The following GALNT13 variants were observed in gnomAD, a reference collection of about 807,000 sequenced individuals.
GALNT13 encodes the protein UDP-GalNAc:polypeptide N-acetylgalactosaminyltransferase 13.
A neutral mutation model predicts 64.2 loss-of-function variants in GALNT13; 28 were observed. The observed-to-expected ratio is 0.44, with a 90% CI of 0.32 to 0.60. GALNT13 has a LOEUF of 0.60. Among genes scored for constraint, GALNT13 ranks in the 20% least tolerant of loss-of-function variants. The pLI, the probability that GALNT13 is intolerant of heterozygous loss-of-function variation, is 0.05. For missense variants in GALNT13, 577 were observed against 669.8 expected, an observed-to-expected ratio of 0.86 and a Z score of 1.53; for synonymous variants, 214 against 224.6, an observed-to-expected ratio of 0.95 and a Z score of 0.42.
chr2:153,334,058 A>G, the GALNT13 span, among the ~76,000 whole-genome samples: 1 of 152,250 alleles, frequency 6.6e-6, no homozygotes, highest in African/African-American at 2.4e-5. Context: ...ACATATACAT[A>G]CATTAAATAG....
the GALNT13 span, among the ~76,000 whole-genome samples, chr2:153,459,606 T>A: frequency 6.6e-6 from 1 of 152,024 alleles, no homozygotes; most frequent in South Asian, 2.1e-4. Context: ...AATAACAAAA[T>A]CCTATGAAGC....
At chr2:153,673,575 AT>A in the GALNT13 span, among the ~76,000 whole-genome samples, 1 of 152,188 alleles carries the variant, frequency 6.6e-6, no homozygotes, top group East Asian at 1.9e-4. Context: ...AATAAGAGCT[AT>A]TTATGACAAA....
intron 3 of GALNT13, among the ~76,000 whole-genome samples, chr2:154,063,693 T>C (rs1700310167): frequency 6.6e-6 from 1 of 152,224 alleles, no homozygotes; most frequent in Admixed American, 6.5e-5. Context: ...TTAAAGCTAT[T>C]TTGTTTAAAT....
intron 3 of GALNT13, 147 bp downstream of exon 3, chr2:153,944,786 G>T (rs779164672): frequency 3.3e-6 from 2 of 606,954 alleles, no homozygotes; most frequent in Non-Finnish European, 5.6e-6. Context: ...TTTAACCATG[G>T]GGAAGTTACT....
chr2:153,761,020 TA>T, the GALNT13 span, among the ~76,000 whole-genome samples: 8 of 152,170 alleles, frequency 5.3e-5, no homozygotes, highest in African/African-American at 1.9e-4. Context: ...ATTTAAAGCC[TA>T]CTTTAAGTAT....
the GALNT13 span, among the ~76,000 whole-genome samples, chr2:153,437,666 T>C: frequency 1.3e-5 from 2 of 152,214 alleles, no homozygotes; most frequent in African/African-American, 4.8e-5. Flanking sequence ...TTTTTTTGTT[T>C]TCCATTTGCT....
chr2:154,322,293 C>T, intron 9 of GALNT13, among the ~76,000 whole-genome samples: 1 of 151,540 alleles, frequency 6.6e-6, no homozygotes, highest in South Asian at 2.1e-4. Flanking sequence ...AAATAACTAG[C>T]TTCTCCAATC....
At chr2:154,031,281 A>C (rs908126638) in intron 3 of GALNT13, among the ~76,000 whole-genome samples, 1 of 152,072 alleles carries the variant, frequency 6.6e-6, no homozygotes, top group Non-Finnish European at 1.5e-5. Flanking sequence ...ATTGTAAGTG[A>C]ATACCAGAGG....
intron 3 of GALNT13, among the ~76,000 whole-genome samples, chr2:154,096,066 A>G: frequency 6.6e-6 from 1 of 152,170 alleles, no homozygotes; most frequent in Non-Finnish European, 1.5e-5. Flanking sequence ...TGTATGTATA[A>G]TAAGGATGAA....
chr2:153,478,019 G>A, the GALNT13 span: 1 of 564,724 alleles, frequency 1.8e-6, no homozygotes, highest in Non-Finnish European at 3.1e-6. Flanking sequence ...GCCACTTTCT[G>A]CTGAGTTCAG....
chr2:153,136,866 A>G, the GALNT13 span, among the ~76,000 whole-genome samples: 384 of 152,068 alleles, frequency 2.5e-3, no homozygotes, highest in Non-Finnish European at 3.4e-3. Flanking sequence ...ACACACACAC[A>G]CACACACTTA....
chr2:153,823,680 A>G, the GALNT13 span, among the ~76,000 whole-genome samples: 826 of 152,332 alleles, frequency 5.4e-3, 8 homozygotes, highest in African/African-American at 0.019. Flanking sequence ...GAGAATACTT[A>G]GTTAATATCA....
At chr2:153,667,858 C>A in the GALNT13 span, among the ~76,000 whole-genome samples, 1 of 152,066 alleles carries the variant, frequency 6.6e-6, no homozygotes, top group East Asian at 1.9e-4. Flanking sequence ...TAAGACTCAA[C>A]TGTATGCTGT....
At chr2:153,958,439 A>G (rs1041909329) in intron 3 of GALNT13, among the ~76,000 whole-genome samples, 1 of 152,336 alleles carries the variant, frequency 6.6e-6, no homozygotes, top group African/African-American at 2.4e-5. Flanking sequence ...ATTATAACAT[A>G]TAGAACCATG....
the GALNT13 span, among the ~76,000 whole-genome samples, chr2:153,668,243 C>T: frequency 2.0e-5 from 3 of 152,102 alleles, no homozygotes; most frequent in Non-Finnish European, 2.9e-5. Context: ...AAACACAACA[C>T]TTGACCAAGG....
At chr2:154,122,105 A>G (rs1286767636) in intron 3 of GALNT13, among the ~76,000 whole-genome samples, 1 of 152,016 alleles carries the variant, frequency 6.6e-6, no homozygotes, top group Non-Finnish European at 1.5e-5. Flanking sequence ...TAATAAGTTA[A>G]TATGTGAATT....
the GALNT13 span, among the ~76,000 whole-genome samples, chr2:153,354,631 C>G: frequency 6.6e-6 from 1 of 152,144 alleles, no homozygotes. Context: ...TTATGAGTCA[C>G]TCTGGGTAAG....
the GALNT13 span, among the ~76,000 whole-genome samples, chr2:153,193,845 T>C: frequency 6.6e-6 from 1 of 152,174 alleles, no homozygotes. Flanking sequence ...TTCACCTTCA[T>C]TTGTGGAAGA....
chr2:153,856,930 A>T, the GALNT13 span, among the ~76,000 whole-genome samples: 6 of 152,216 alleles, frequency 3.9e-5, no homozygotes, highest in Admixed American at 3.3e-4. Flanking sequence ...TACTGCACTG[A>T]AAATGAACTA....
Sources: gnomAD v4.1 joint callset for allele counts (sites outside exome capture counted in the v4.1 genomes callset) on GRCh38, gnomAD v4.1.1 for gene constraint, MANE v1.5 for transcripts, NCBI Gene and HGNC (gene_info 2026-07-23, HGNC 2026-07-21) for gene names.